SYNDIG1: variants seen among roughly 807,000 people sequenced by gnomAD.
The protein encoded by SYNDIG1 is synapse differentiation inducing 1, also known as synapse differentiation-inducing gene protein 1.
A neutral mutation model predicts 19.4 loss-of-function variants in SYNDIG1; 9 were observed. The observed-to-expected ratio is 0.46, with a 90% CI of 0.28 to 0.81. The LOEUF (loss-of-function observed/expected upper bound fraction) is 0.81. SYNDIG1 is among the 30% of genes least tolerant of loss of function. SYNDIG1 has a pLI of 0.12. For synonymous variants in SYNDIG1, 141 were observed against 145.9 expected (o/e 0.97, Z 0.24); for missense variants, 311 against 343.3 (o/e 0.91, Z 0.74).
At chr20:24,540,327 T>C (rs919096161) in intron 1 of SYNDIG1, among the ~76,000 whole-genome samples, 6 of 152,250 alleles carry the variant, frequency 3.9e-5, no homozygotes, top group Non-Finnish European at 5.9e-5. Context: ...GGGTTTTCTA[T>C]ATGTGAGATC....
At chr20:24,548,514 C>T (rs567660690) in intron 2 of SYNDIG1, among the ~76,000 whole-genome samples, 161 of 152,198 alleles carry the variant, frequency 1.1e-3, no homozygotes, top group Non-Finnish European at 1.3e-3. Flanking sequence ...GAGGACTCAA[C>T]ACACATGTGA....
At chr20:24,659,797 C>G (rs1282166435) in intron 3 of SYNDIG1, among the ~76,000 whole-genome samples, 1 of 152,210 alleles carries the variant, frequency 6.6e-6, no homozygotes, top group Non-Finnish European at 1.5e-5. Context: ...TTCCCTTTCT[C>G]TGACTTTTCT....
intron 1 of SYNDIG1, among the ~76,000 whole-genome samples, chr20:24,494,874 A>G (rs1029455054): frequency 7.2e-5 from 11 of 152,180 alleles, no homozygotes; most frequent in Non-Finnish European, 1.0e-4. Flanking sequence ...GTGCCCTGGC[A>G]GGGTGCAGGG....
intron 3 of SYNDIG1, among the ~76,000 whole-genome samples, chr20:24,627,156 CG>C (rs1568697933): frequency 1.5e-5 from 2 of 134,700 alleles, no homozygotes; most frequent in East Asian, 4.0e-4. Flanking sequence ...AGAGGGAGAG[CG>C]AGAGCGAGAG....
chr20:24,538,088 A>T (rs2057397668), intron 1 of SYNDIG1, among the ~76,000 whole-genome samples: 1 of 152,122 alleles, frequency 6.6e-6, no homozygotes, highest in African/African-American at 2.4e-5. Flanking sequence ...GTTCAGTTTA[A>T]TTGAGTTTGT....
chr20:24,543,485 G>T lies in SYNDIG1; in HGVS notation c.388G>T (p.Asp130Tyr). The change falls in exon 2 of 4, where the codon GAT becomes TAT. Residue 130 changes from aspartate (D) to tyrosine (Y), a missense_variant. Asp to Tyr is a radical substitution (Grantham distance 160, BLOSUM62 -3). Transcript: ENST00000376862. Reference protein sequence around the residue: ...SPTKDSLEYPDGKFIDLSADD... With the variant: ...SPTKDSLEYPYGKFIDLSADD... ...CACCAAAGACAGCCTCGAGTACCCG[G>T]ATGGGAAGTTCATTGACCTCTCAGC... The T allele has an allele frequency of 6.2e-7, 1 of 1,612,950 alleles. No homozygotes were observed. Among genetic ancestry groups the T allele is most frequent in the Non-Finnish European group, 8.5e-7 (1 of 1,180,024 alleles).
chr20:24,664,746 C>T (rs557846968), intron 3 of SYNDIG1, among the ~76,000 whole-genome samples: 6 of 152,166 alleles, frequency 3.9e-5, no homozygotes, highest in Admixed American at 6.5e-5. Context: ...AGGGTGGGGA[C>T]GGTCAGGAAG....
chr20:24,645,787 A>G (rs2059417360), intron 3 of SYNDIG1, among the ~76,000 whole-genome samples: 1 of 152,232 alleles, frequency 6.6e-6, no homozygotes, highest in South Asian at 2.1e-4. Flanking sequence ...CAGGCTGAAA[A>G]TGCTCAGCAA....
At chr20:24,559,151 T>C (rs1340731554) in intron 2 of SYNDIG1, among the ~76,000 whole-genome samples, 1 of 152,142 alleles carries the variant, frequency 6.6e-6, no homozygotes, top group Non-Finnish European at 1.5e-5. Flanking sequence ...AATGGAATAC[T>C]CTTCATCCCT....
At chr20:24,636,064 G>T (rs2059312066) in intron 3 of SYNDIG1, among the ~76,000 whole-genome samples, 2 of 152,126 alleles carry the variant, frequency 1.3e-5, no homozygotes, top group African/African-American at 4.8e-5. Flanking sequence ...GTTCACTGTT[G>T]TCTGGACTTT....
intron 2 of SYNDIG1, among the ~76,000 whole-genome samples, chr20:24,583,357 C>T (rs1204586730): frequency 6.6e-6 from 1 of 152,214 alleles, no homozygotes; most frequent in Non-Finnish European, 1.5e-5. Flanking sequence ...CTGACACTGC[C>T]ATGCACTGCC....
At chr20:24,565,694 A>G (rs1261709292) in intron 2 of SYNDIG1, among the ~76,000 whole-genome samples, 1 of 152,190 alleles carries the variant, frequency 6.6e-6, no homozygotes, top group Non-Finnish European at 1.5e-5. Context: ...ATCACCCGAC[A>G]GCTCAATAAA....
intron 1 of SYNDIG1, among the ~76,000 whole-genome samples, chr20:24,479,144 G>A (rs1222147200): frequency 1.3e-5 from 2 of 152,190 alleles, no homozygotes; most frequent in African/African-American, 4.8e-5. Flanking sequence ...TGCCTAATTA[G>A]AGTAAAAACA....
intron 3 of SYNDIG1, among the ~76,000 whole-genome samples, chr20:24,637,077 G>A (rs370133243): frequency 1.3e-5 from 2 of 152,216 alleles, no homozygotes; most frequent in African/African-American, 4.8e-5. Context: ...CTGCAGCCAC[G>A]GGCAGGGCCC....
chr20:24,556,605 C>A (rs895901589), intron 2 of SYNDIG1, among the ~76,000 whole-genome samples: 5 of 152,126 alleles, frequency 3.3e-5, no homozygotes, highest in African/African-American at 1.2e-4. Context: ...GTTGAAAATT[C>A]TTTTCTTTAA....
At chr20:24,583,092 G>C (rs1460904361) in intron 2 of SYNDIG1, among the ~76,000 whole-genome samples, 2 of 152,238 alleles carry the variant, frequency 1.3e-5, no homozygotes, top group Non-Finnish European at 2.9e-5. Context: ...CAGCCCTGCG[G>C]CTGGCTGCAC....
intron 3 of SYNDIG1, among the ~76,000 whole-genome samples, chr20:24,588,368 G>T (rs1161817451): frequency 1.3e-5 from 2 of 152,224 alleles, no homozygotes; most frequent in African/African-American, 4.8e-5. Context: ...CATAACAGTA[G>T]TAATCAAAGT....
rs574676045 is a variant in SYNDIG1, at chr20:24,652,722, C to T, written c.619-12624C>T. Among the ~76,000 whole-genome samples, 41 of 152,270 alleles carry T rather than the reference C, an allele frequency of 2.7e-4. 2 individuals are homozygous for T. In the South Asian group the frequency reaches 8.1e-3, roughly 30 times the overall value. On this transcript the variant is annotated intron_variant, in intron 3 of 3. Coordinates refer to ENST00000376862, the MANE Select transcript of SYNDIG1 (RefSeq NM_024893.3). ...TGTTGGAGGCTTTCTCCACTCACAG[C>T]GGGGTGCCCAGCCATGTGCAGGGGA...
intron 3 of SYNDIG1, among the ~76,000 whole-genome samples, chr20:24,623,956 G>GTT (rs1568693678): frequency 6.6e-6 from 1 of 152,134 alleles, no homozygotes; most frequent in East Asian, 1.9e-4. Flanking sequence ...CTGTCAAACT[G>GTT]GAGTTTTAAA....
Sources: gnomAD v4.1 joint callset for allele counts (sites outside exome capture counted in the v4.1 genomes callset) on GRCh38, gnomAD v4.1.1 for gene constraint, MANE v1.5 for transcripts, NCBI Gene and HGNC (gene_info 2026-07-23, HGNC 2026-07-21) for gene names.